The following CADPS2 variants were observed in gnomAD, a reference collection of about 807,000 sequenced individuals.
CADPS2 encodes the protein calcium dependent secretion activator 2.
In CADPS2, 93 loss-of-function variants were observed where a neutral mutation model predicts 172.5. That is an observed-to-expected ratio of 0.54 (90% confidence interval 0.46 to 0.64). The LOEUF (loss-of-function observed/expected upper bound fraction) is 0.64. Ranked by LOEUF, CADPS2 falls within the 30% of genes least tolerant of loss-of-function variation. CADPS2 has a pLI of 0.00. For missense variants in CADPS2, 1,420 were observed against 1,565.9 expected (o/e 0.91, Z 1.57); for synonymous variants, 546 against 555.2 (o/e 0.98, Z 0.23).
At chr7:122,492,971 CAT>C (rs1475700158) in intron 9 of CADPS2, among the ~76,000 whole-genome samples, 1 of 152,064 alleles carries the variant, frequency 6.6e-6, no homozygotes, top group Non-Finnish European at 1.5e-5. Context: ...ACTAAGGAAA[CAT>C]AGTACCTTTC....
At chr7:122,372,576 CA>C (rs749275292) in intron 25 of CADPS2, among the ~76,000 whole-genome samples, 5 of 152,064 alleles carry the variant, frequency 3.3e-5, no homozygotes, top group African/African-American at 4.8e-5. Flanking sequence ...GAAGAAAGTG[CA>C]GTTTATTTTT....
At chr7:122,733,052 T>C (rs2091838738) in intron 2 of CADPS2, among the ~76,000 whole-genome samples, 1 of 151,170 alleles carries the variant, frequency 6.6e-6, no homozygotes, top group South Asian at 2.1e-4. Context: ...ACAATATATA[T>C]AACATCCCTG....
At chr7:122,510,989 T>C (rs1353396509) in intron 9 of CADPS2, among the ~76,000 whole-genome samples, 1 of 152,150 alleles carries the variant, frequency 6.6e-6, no homozygotes, top group African/African-American at 2.4e-5. Context: ...TGCATGTGGA[T>C]ATATGCACAT....
At chr7:122,699,762 C>A (rs10267961) in intron 2 of CADPS2, among the ~76,000 whole-genome samples, 1,540 of 152,228 alleles carry the variant, frequency 0.01, 25 homozygotes, top group African/African-American at 0.034. Flanking sequence ...GCTAATTTCT[C>A]TGCAGACTTT....
chr7:122,549,705 A>G (rs1308216276), intron 8 of CADPS2, among the ~76,000 whole-genome samples: 2 of 152,030 alleles, frequency 1.3e-5, no homozygotes, highest in Non-Finnish European at 2.9e-5. Flanking sequence ...AAATCAGGAT[A>G]AGCCAGGCTG....
intron 9 of CADPS2, among the ~76,000 whole-genome samples, chr7:122,496,399 G>C (rs1340912928): frequency 2.0e-5 from 3 of 152,184 alleles, no homozygotes; most frequent in Non-Finnish European, 2.9e-5. Flanking sequence ...CTGACTTCCA[G>C]TAATCCACCT....
chr7:122,658,128 CAT>C (rs1204065044), intron 3 of CADPS2, among the ~76,000 whole-genome samples: 1 of 152,152 alleles, frequency 6.6e-6, no homozygotes, highest in African/African-American at 2.4e-5. Context: ...AGCCAACAGA[CAT>C]ATGAAAAAAT....
intron 6 of CADPS2, among the ~76,000 whole-genome samples, chr7:122,588,933 G>A (rs879778137): frequency 5.3e-5 from 8 of 151,926 alleles, no homozygotes; most frequent in Non-Finnish European, 1.2e-4. Flanking sequence ...TATTCTCAAG[G>A]GTGTCAAGCA....
intron 8 of CADPS2, among the ~76,000 whole-genome samples, chr7:122,551,782 AT>A (rs1433831192): frequency 6.6e-6 from 1 of 152,156 alleles, no homozygotes; most frequent in African/African-American, 2.4e-5. Context: ...TATAGGAGAA[AT>A]GATTGACAAA....
chr7:122,508,362 TA>T (rs1406713179), intron 9 of CADPS2, among the ~76,000 whole-genome samples: 1 of 149,872 alleles, frequency 6.7e-6, no homozygotes, highest in African/African-American at 2.4e-5. Context: ...ATTGTTTGAT[TA>T]AAAAAACTTA....
At chr7:122,523,671 C>A (rs1203081393) in intron 8 of CADPS2, among the ~76,000 whole-genome samples, 1 of 151,938 alleles carries the variant, frequency 6.6e-6, no homozygotes, top group Non-Finnish European at 1.5e-5. Context: ...TATGCATTAC[C>A]TCAATATATT....
chr7:122,836,736 A>C (rs2140803636), intron 1 of CADPS2, among the ~76,000 whole-genome samples: 1 of 152,332 alleles, frequency 6.6e-6, no homozygotes, highest in African/African-American at 2.4e-5. Context: ...AACTATCTTA[A>C]ATATATATGC....
At chr7:122,418,911 C>T (rs2048246308) in intron 17 of CADPS2, among the ~76,000 whole-genome samples, 1 of 152,192 alleles carries the variant, frequency 6.6e-6, no homozygotes, top group Non-Finnish European at 1.5e-5. Flanking sequence ...AATCTACAAA[C>T]ATGCAGAGTT....
At chr7:122,508,578 C>T (rs1034109113) in intron 9 of CADPS2, among the ~76,000 whole-genome samples, 1 of 148,960 alleles carries the variant, frequency 6.7e-6, no homozygotes, top group Non-Finnish European at 1.5e-5. Flanking sequence ...GATTCTCCTG[C>T]TTCAGCCTCC....
chr7:122,622,353 G>C (rs1343707949), intron 4 of CADPS2, among the ~76,000 whole-genome samples: 2 of 152,044 alleles, frequency 1.3e-5, no homozygotes, highest in Non-Finnish European at 2.9e-5. Flanking sequence ...TAAAGCAAAA[G>C]GAAATTTATG....
At chr7:122,878,535 G>C (rs1337595795) in intron 1 of CADPS2, among the ~76,000 whole-genome samples, 5 of 151,286 alleles carry the variant, frequency 3.3e-5, no homozygotes, top group African/African-American at 1.2e-4. Flanking sequence ...AGCTACTCAG[G>C]AGGCTGAGGT....
chr7:122,333,127 T>A (rs1421055862), intron 28 of CADPS2, among the ~76,000 whole-genome samples: 1 of 152,234 alleles, frequency 6.6e-6, no homozygotes, highest in Non-Finnish European at 1.5e-5. Context: ...GGTGCAAACA[T>A]CACCTTTATG....
chr7:122,813,428 C>T (rs755586000), intron 1 of CADPS2, among the ~76,000 whole-genome samples: 6 of 152,156 alleles, frequency 3.9e-5, no homozygotes, highest in Non-Finnish European at 5.9e-5. Flanking sequence ...TTTGCTAAAA[C>T]GTTACTGTGA....
intron 1 of CADPS2, among the ~76,000 whole-genome samples, chr7:122,801,045 A>AG (rs964329293): frequency 8.1e-5 from 12 of 148,012 alleles, no homozygotes; most frequent in African/African-American, 3.1e-4. Context: ...GGGGTAATTA[A>AG]GAAAAACACT....
Sources: allele counts gnomAD v4.1 joint callset (sites outside exome capture counted in the v4.1 genomes callset), GRCh38; gene constraint gnomAD v4.1.1; transcripts MANE v1.5; gene names NCBI Gene and HGNC (gene_info 2026-07-23, HGNC 2026-07-21).